RGS6: variants seen among roughly 807,000 people sequenced by gnomAD.
RGS6 encodes regulator of G-protein signaling 6.
A neutral mutation model predicts 78.5 loss-of-function variants in RGS6; 30 were observed. The observed-to-expected ratio is 0.38, with a 90% CI of 0.29 to 0.52. RGS6 has a LOEUF of 0.52. RGS6 is among the 20% of genes least tolerant of loss of function. The pLI, the probability that RGS6 is intolerant of heterozygous loss-of-function variation, is 0.85. For synonymous variants in RGS6, 206 were observed against 206.0 expected (o/e 1.00, Z 0.00); for missense variants, 495 against 609.7 (o/e 0.81, Z 1.98).
chr14:72,098,572 C>T lies in RGS6; in HGVS notation c.84+133697C>T, dbSNP rs182076888. On this transcript the variant is annotated intron_variant, in intron 2 of 17. Transcript: ENST00000553525. The stretch of plus-strand genomic sequence containing the variant: ...TTTCTTGCAGATATATTTTGATTGA[C>T]AGGCACAGGATTTTTGGAGATAATT... Among the ~76,000 whole-genome samples, 642 of 152,274 alleles carry T rather than the reference C, an allele frequency of 4.2e-3. 3 individuals are homozygous for T. Among genetic ancestry groups the T allele is most frequent in the African/African-American group, 0.015 (620 of 41,550 alleles).
In RGS6 at chr14:72,338,072, A is replaced by G. The variant is rs1595963095; in HGVS notation, c.85-14023A>G. ...CATAGCTTATTTTTTCTCCAGGCAG[A>G]TATGGGCCTCCCCTTGACAAGGTGC... On this transcript the variant is annotated intron_variant, in intron 2 of 17. Transcript: ENST00000553525. Among the ~76,000 whole-genome samples, 3 of 152,236 alleles carry G rather than the reference A, an allele frequency of 2.0e-5. No individual in the cohort carries two copies. In the East Asian group the frequency reaches 5.8e-4, roughly 29 times the overall value.
chr14:72,583,185 C>G, the RGS6 span, among the ~76,000 whole-genome samples: 4 of 152,206 alleles, frequency 2.6e-5, no homozygotes, highest in Non-Finnish European at 5.9e-5. Context: ...ACCACCAGCC[C>G]TCCTGCTTCT....
chr14:72,501,672 G>A (rs2096728678), intron 13 of RGS6, among the ~76,000 whole-genome samples: 3 of 152,328 alleles, frequency 2.0e-5, no homozygotes, highest in Admixed American at 2.0e-4. Context: ...CGTATGTAAA[G>A]TATTTCTGGT....
At chr14:72,528,516 C>T (rs2097145014) in intron 15 of RGS6, among the ~76,000 whole-genome samples, 1 of 152,202 alleles carries the variant, frequency 6.6e-6, no homozygotes, top group South Asian at 2.1e-4. Context: ...GAACCACCCT[C>T]ATCTTCTTTG....
chr14:71,893,414 T>C, the RGS6 span, among the ~76,000 whole-genome samples: 3 of 152,252 alleles, frequency 2.0e-5, no homozygotes, highest in East Asian at 1.9e-4. Context: ...CAGATGCTGA[T>C]TGGAGGATTT....
intron 3 of RGS6, among the ~76,000 whole-genome samples, chr14:72,390,474 A>C (rs2089664394): frequency 6.6e-6 from 1 of 152,132 alleles, no homozygotes; most frequent in Admixed American, 6.5e-5. Context: ...CTCATTATAG[A>C]TGGGACAAAA....
At chr14:72,495,118 C>T in intron 12 of RGS6, 34 bp from the exon 13 acceptor site, 1 of 1,190,810 alleles carries the variant, frequency 8.4e-7, no homozygotes, top group Non-Finnish European at 1.3e-6. Context: ...CTAAGGAAAT[C>T]AGTGGCATTC....
At chr14:71,956,959 T>G (rs767254146) in intron 1 of RGS6, among the ~76,000 whole-genome samples, 1 of 152,208 alleles carries the variant, frequency 6.6e-6, no homozygotes, top group East Asian at 1.9e-4. Context: ...GTTTGAAGAT[T>G]GTTTGCAGTG....
At chr14:72,436,500 T>C (rs1173095452) in intron 3 of RGS6, among the ~76,000 whole-genome samples, 2 of 152,204 alleles carry the variant, frequency 1.3e-5, no homozygotes, top group Non-Finnish European at 2.9e-5. Context: ...CACTGAGCCA[T>C]ACAACCTCAA....
intron 2 of RGS6, among the ~76,000 whole-genome samples, chr14:72,260,399 A>G (rs960431714): frequency 1.2e-4 from 19 of 152,262 alleles, no homozygotes; most frequent in African/African-American, 4.1e-4. Flanking sequence ...CTAATATTCT[A>G]AAACATGCTG....
chr14:72,310,869 G>A (rs146950686), intron 2 of RGS6, among the ~76,000 whole-genome samples: 41 of 152,308 alleles, frequency 2.7e-4, no homozygotes, highest in African/African-American at 9.4e-4. Context: ...GTCAGAAATC[G>A]TAATTGAGAG....
chr14:72,144,766 G>A (rs1005236144), intron 2 of RGS6, among the ~76,000 whole-genome samples: 5 of 147,530 alleles, frequency 3.4e-5, no homozygotes, highest in Non-Finnish European at 7.5e-5. Context: ...TTTTTTTGAA[G>A]CGGTATAACC....
At chr14:72,537,182 A>G (rs2097261796) in intron 16 of RGS6, among the ~76,000 whole-genome samples, 1 of 152,128 alleles carries the variant, frequency 6.6e-6, no homozygotes, top group Non-Finnish European at 1.5e-5. Flanking sequence ...CTTCTGTGCC[A>G]TGGCACTTAG....
intron 2 of RGS6, among the ~76,000 whole-genome samples, chr14:72,172,190 A>T (rs752742819): frequency 7.9e-5 from 12 of 151,798 alleles, no homozygotes; most frequent in Non-Finnish European, 1.3e-4. Context: ...AAAAATCAAG[A>T]ACTGTGACGA....
chr14:72,371,691 G>A (rs2083545172), intron 3 of RGS6, among the ~76,000 whole-genome samples: 1 of 152,150 alleles, frequency 6.6e-6, no homozygotes, highest in Admixed American at 6.5e-5. Flanking sequence ...AACCTGGGAG[G>A]CAGAGGTTGC....
At chr14:71,875,175 G>GATTCCC in the RGS6 span, among the ~76,000 whole-genome samples, 12 of 152,146 alleles carry the variant, frequency 7.9e-5, no homozygotes, top group African/African-American at 2.9e-4. Context: ...AATTAGGGAG[G>GATTCCC]ATTCCCTCTT....
chr14:72,137,354 C>T (rs1260689220), intron 2 of RGS6, among the ~76,000 whole-genome samples: 1 of 152,210 alleles, frequency 6.6e-6, no homozygotes, highest in South Asian at 2.1e-4. Flanking sequence ...CCATTCTACA[C>T]AGTTCTCCAG....
At chr14:72,428,331 G>A (rs138789791) in intron 3 of RGS6, among the ~76,000 whole-genome samples, 1 of 152,078 alleles carries the variant, frequency 6.6e-6, no homozygotes, top group Non-Finnish European at 1.5e-5. Flanking sequence ...TTGGATCAGA[G>A]GATGGATGGA....
At chr14:72,622,931 C>T in the RGS6 span, among the ~76,000 whole-genome samples, 1 of 152,200 alleles carries the variant, frequency 6.6e-6, no homozygotes, top group Non-Finnish European at 1.5e-5. Context: ...AGCCAAAGAC[C>T]AGCGTCAACC....
Sources: allele counts gnomAD v4.1 joint callset (sites outside exome capture counted in the v4.1 genomes callset), GRCh38; gene constraint gnomAD v4.1.1; transcripts MANE v1.5; gene names NCBI Gene and HGNC (gene_info 2026-07-23, HGNC 2026-07-21).